XIRP2: variants seen among roughly 807,000 people sequenced by gnomAD.
The protein encoded by XIRP2 is xin actin-binding repeat-containing protein 2.
XIRP2 carries 236 observed loss-of-function variants against 277.0 expected under a neutral mutation model. That is an observed-to-expected ratio of 0.85 (90% confidence interval 0.77 to 0.95). The LOEUF (loss-of-function observed/expected upper bound fraction) is 0.95, where lower values mean the gene tolerates loss of function less well. Among genes scored for constraint, XIRP2 ranks in the 40% least tolerant of loss-of-function variants. XIRP2 has a pLI of 0.00. For missense variants in XIRP2, 4,640 were observed against 4,157.5 expected, an observed-to-expected ratio of 1.12 and a Z score of -3.19; for synonymous variants, 1,490 against 1,416.5, an observed-to-expected ratio of 1.05 and a Z score of -1.17.
chr2:166,892,872 GTGTGTATATATGTATATA>G (rs1368845971), intron 1 of XIRP2, among the ~76,000 whole-genome samples: 6 of 148,142 alleles, frequency 4.1e-5, no homozygotes, highest in Admixed American at 6.8e-5. Context: ...ATATATGTAT[GTGTGTATATATGTATATA>G]TGTGTATATA....
At chr2:167,187,797 G>C in intron 3 of XIRP2, among the ~76,000 whole-genome samples, 1 of 152,122 alleles carries the variant, frequency 6.6e-6, no homozygotes. Context: ...ACAGTCATGA[G>C]TTAAAATTAT....
intron 5 of XIRP2, among the ~76,000 whole-genome samples, chr2:167,232,611 A>G (rs1196604954): frequency 6.6e-6 from 1 of 151,962 alleles, no homozygotes. Flanking sequence ...AAAATGTCTG[A>G]CACAAGTGTG....
chr2:167,020,077 A>T (rs1480667456), intron 2 of XIRP2, among the ~76,000 whole-genome samples: 1 of 152,040 alleles, frequency 6.6e-6, no homozygotes, highest in Non-Finnish European at 1.5e-5. Context: ...ACTTTACACT[A>T]ATCAACTTGT....
At chr2:167,219,929 C>A (rs1694373537) in intron 5 of XIRP2, among the ~76,000 whole-genome samples, 1 of 152,042 alleles carries the variant, frequency 6.6e-6, no homozygotes, top group African/African-American at 2.4e-5. Flanking sequence ...GACAGAAAAC[C>A]CCCCAAAAAT....
chr2:167,037,482 G>A (rs1158933551), intron 2 of XIRP2, among the ~76,000 whole-genome samples: 1 of 151,186 alleles, frequency 6.6e-6, no homozygotes, highest in Non-Finnish European at 1.5e-5. Flanking sequence ...ATTTCATATT[G>A]AGTGGGTTTT....
At chr2:167,144,087 TTC>T (rs1429574722) in intron 3 of XIRP2, among the ~76,000 whole-genome samples, 1 of 152,066 alleles carries the variant, frequency 6.6e-6, no homozygotes, top group East Asian at 1.9e-4. Flanking sequence ...AACTTCTTAT[TTC>T]TTTTTAATGT....
At chr2:166,968,448 A>G (rs1686486446) in intron 2 of XIRP2, among the ~76,000 whole-genome samples, 1 of 152,026 alleles carries the variant, frequency 6.6e-6, no homozygotes, top group Non-Finnish European at 1.5e-5. Flanking sequence ...ATACAGAAAC[A>G]GTAAATGGAT....
In XIRP2 at chr2:167,247,593, T is replaced by C. The variant is rs570463516; in HGVS notation, c.6201T>C (p.Asp2067=). The part of the protein sequence containing the change: ...ESGDKTGVWT[D]TTGEQHLRDE... Reference sequence around the variant, plus strand: ...GAGACAAAACGGGTGTCTGGACTGATACTACAGGAGAACAGCATCTTAGAG... The same window carrying C: ...GAGACAAAACGGGTGTCTGGACTGACACTACAGGAGAACAGCATCTTAGAG... Residue 2067 remains aspartate (D), a synonymous_variant, in exon 9 of 11, where the codon GAT becomes GAC. Transcript: ENST00000409195. 8 of 1,613,682 alleles carry C rather than the reference T, an allele frequency of 5.0e-6. No homozygotes were observed. The South Asian group carries it at 8.8e-5, about 18-fold the overall frequency.
intron 2 of XIRP2, among the ~76,000 whole-genome samples, chr2:167,080,762 C>G (rs558466697): frequency 5.3e-4 from 81 of 152,248 alleles, no homozygotes; most frequent in African/African-American, 1.9e-3. Flanking sequence ...TGGAACGTTT[C>G]CCTATAAGAA....
At chr2:166,925,882 C>A (rs1685175161) in intron 2 of XIRP2, among the ~76,000 whole-genome samples, 2 of 151,496 alleles carry the variant, frequency 1.3e-5, no homozygotes, top group Middle Eastern at 3.2e-3. Flanking sequence ...CCAGTTTGGG[C>A]AAAACAGGAA....
chr2:167,070,576 T>G (rs978362144), intron 2 of XIRP2, among the ~76,000 whole-genome samples: 4 of 152,212 alleles, frequency 2.6e-5, no homozygotes, highest in Admixed American at 2.6e-4. Context: ...TTGAGATACA[T>G]TGTTATTTAA....
At chr2:167,184,502 G>T (rs995693025) in intron 3 of XIRP2, 1 of 707,826 alleles carries the variant, frequency 1.4e-6, no homozygotes, top group Non-Finnish European at 2.6e-6. Flanking sequence ...CCAGTCCCAT[G>T]GAATTGCCAA....
At chr2:167,180,666 G>A (rs1221558080) in intron 3 of XIRP2, among the ~76,000 whole-genome samples, 3 of 152,088 alleles carry the variant, frequency 2.0e-5, no homozygotes, top group African/African-American at 7.2e-5. Context: ...ACTTTTTCAG[G>A]TATTTTGGAA....
intron 2 of XIRP2, among the ~76,000 whole-genome samples, chr2:167,033,785 C>A (rs1298862388): frequency 6.6e-6 from 1 of 152,046 alleles, no homozygotes; most frequent in Non-Finnish European, 1.5e-5. Flanking sequence ...GGGAAAATAT[C>A]ATTCAAACAT....
At chr2:167,049,205 G>A (rs556591094) in intron 2 of XIRP2, among the ~76,000 whole-genome samples, 14 of 150,702 alleles carry the variant, frequency 9.3e-5, no homozygotes, top group African/African-American at 2.9e-4. Context: ...TTTAATCAGG[G>A]TTCATTACTT....
At chr2:166,931,525 A>T (rs1685336715) in intron 2 of XIRP2, among the ~76,000 whole-genome samples, 1 of 152,130 alleles carries the variant, frequency 6.6e-6, no homozygotes, top group African/African-American at 2.4e-5. Flanking sequence ...TATATTAAAT[A>T]TATTCTTTTG....
intron 5 of XIRP2, 35 bp downstream of exon 5, chr2:167,218,335 T>C (rs752906246): frequency 4.3e-6 from 6 of 1,381,124 alleles, no homozygotes; most frequent in East Asian, 5.2e-5. Flanking sequence ...AAATCAGGCA[T>C]GGTTGAAATG....
intron 2 of XIRP2, among the ~76,000 whole-genome samples, chr2:167,030,338 C>T (rs1391493377): frequency 1.3e-5 from 2 of 152,040 alleles, no homozygotes; most frequent in Non-Finnish European, 1.5e-5. Context: ...CCCGCTTTCT[C>T]CTGTGGGCAT....
chr2:167,034,812 T>G (rs967605557), intron 2 of XIRP2, among the ~76,000 whole-genome samples: 1 of 152,146 alleles, frequency 6.6e-6, no homozygotes, highest in African/African-American at 2.4e-5. Flanking sequence ...GGTAAAGAGA[T>G]TGACCTGATA....
Sources: allele counts gnomAD v4.1 joint callset (sites outside exome capture counted in the v4.1 genomes callset), GRCh38; gene constraint gnomAD v4.1.1; transcripts MANE v1.5; gene names NCBI Gene and HGNC (gene_info 2026-07-23, HGNC 2026-07-21).